Variants in PTGER3 observed in about 807,000 individuals in gnomAD.
PTGER3 encodes prostaglandin E2 receptor EP3 subtype.
A neutral mutation model predicts 34.7 loss-of-function variants in PTGER3; 22 were observed. The ratio of observed to expected loss-of-function variants is 0.63; its 90% confidence interval spans 0.45 to 0.91. PTGER3 has a LOEUF of 0.91. PTGER3 is among the 40% of genes least tolerant of loss of function. PTGER3 has a pLI of 0.00. For synonymous variants in PTGER3, 241 were observed against 230.1 expected (o/e 1.05, Z -0.43); for missense variants, 468 against 519.4 (o/e 0.90, Z 0.96).
chr1:70,861,835 C>T (rs1645934638), intron 4 of PTGER3, among the ~76,000 whole-genome samples: 1 of 152,054 alleles, frequency 6.6e-6, no homozygotes, highest in Non-Finnish European at 1.5e-5. Context: ...CATTTCTTAA[C>T]ATTTTTATGC....
At chr1:70,928,868 T>TACACACAC (rs34765576) in intron 4 of PTGER3, among the ~76,000 whole-genome samples, 316 of 147,268 alleles carry the variant, frequency 2.1e-3, no homozygotes, top group African/African-American at 6.9e-3. Context: ...AATTTACAGA[T>TACACACAC]ACACACACAC....
chr1:70,893,026 TA>T (rs80160941), intron 4 of PTGER3, among the ~76,000 whole-genome samples: 31,866 of 147,972 alleles, frequency 0.22, 3,760 homozygotes, highest in Admixed American at 0.36. Flanking sequence ...AATGTCCAAC[TA>T]AAAAAAAAAC....
chr1:71,036,083 G>GA (rs1659793750), intron 1 of PTGER3, among the ~76,000 whole-genome samples: 1 of 152,222 alleles, frequency 6.6e-6, no homozygotes, highest in African/African-American at 2.4e-5. Flanking sequence ...CATTGGAGCA[G>GA]AAGTTTCAGA....
At chr1:70,856,440 CA>C (rs34715178) in intron 4 of PTGER3, among the ~76,000 whole-genome samples, 8,917 of 82,874 alleles carry the variant, frequency 0.11, 249 homozygotes, top group African/African-American at 0.17. Flanking sequence ...AACTTCATCT[CA>C]AAAAAAAAAA....
chr1:70,903,141 G>A (rs1303932594), intron 4 of PTGER3, among the ~76,000 whole-genome samples: 1 of 152,152 alleles, frequency 6.6e-6, no homozygotes, highest in Non-Finnish European at 1.5e-5. Flanking sequence ...GAAGTAATGT[G>A]ACTACAAGCC....
At chr1:70,997,838 T>G (rs1028596159) in intron 2 of PTGER3, among the ~76,000 whole-genome samples, 8 of 152,228 alleles carry the variant, frequency 5.3e-5, no homozygotes, top group African/African-American at 1.9e-4. Context: ...ATTGTAGCCA[T>G]AGTATGACTG....
At chr1:71,041,904 G>A (rs1447300978) in intron 1 of PTGER3, among the ~76,000 whole-genome samples, 1 of 152,174 alleles carries the variant, frequency 6.6e-6, no homozygotes, top group Non-Finnish European at 1.5e-5. Flanking sequence ...TTAGCACCCA[G>A]TATCCCTCAC....
intron 1 of PTGER3, among the ~76,000 whole-genome samples, chr1:71,023,349 T>G (rs951472400): frequency 1.3e-5 from 2 of 151,924 alleles, no homozygotes; most frequent in African/African-American, 4.9e-5. Flanking sequence ...CCTGCTACCT[T>G]TCTGGGTATT....
At chr1:71,002,769 G>T (rs1983587) in intron 2 of PTGER3, among the ~76,000 whole-genome samples, 139,143 of 152,268 alleles carry the variant, frequency 0.91, 63,665 homozygotes, top group East Asian at 0.96. Context: ...AAAATAAAAG[G>T]GTTGGGCAAA....
intron 2 of PTGER3, among the ~76,000 whole-genome samples, chr1:70,991,267 C>G (rs1234952627): frequency 1.3e-5 from 2 of 152,140 alleles, no homozygotes. Flanking sequence ...GTGCACATTA[C>G]ACTTTGGTTT....
chr1:70,904,054 TC>T (rs1477889733), intron 4 of PTGER3, among the ~76,000 whole-genome samples: 2 of 151,914 alleles, frequency 1.3e-5, no homozygotes, highest in African/African-American at 4.8e-5. Context: ...CCTTCATTGT[TC>T]CTGTGATAGT....
At chr1:70,989,567 A>G (rs1655241728) in intron 2 of PTGER3, among the ~76,000 whole-genome samples, 1 of 152,196 alleles carries the variant, frequency 6.6e-6, no homozygotes, top group Non-Finnish European at 1.5e-5. Flanking sequence ...ATTATTGAGA[A>G]TGTGTATTTG....
chr1:70,929,208 C>T (rs183997151), intron 4 of PTGER3, among the ~76,000 whole-genome samples: 9 of 152,142 alleles, frequency 5.9e-5, no homozygotes, highest in South Asian at 2.1e-4. Context: ...GTTTTGATTC[C>T]GCACTTTTCC....
chr1:70,971,153 A>G lies in PTGER3; in HGVS notation c.*577T>C. 5 of 985,448 alleles carry G rather than the reference A, an allele frequency of 5.1e-6. No homozygotes were observed. The highest frequency in any genetic ancestry group is 6.0e-6 in the Non-Finnish European group (5 of 829,926). 61.0% of individuals were successfully genotyped at this position (985,448 alleles called of 1,614,324 possible). A position where few individuals can be genotyped will look rare whatever the true frequency, so the allele number is the denominator to read the frequency against. On this transcript the variant is annotated 3_prime_UTR_variant, in exon 4 of 4. Coordinates refer to ENST00000306666, the MANE Select transcript of PTGER3 (RefSeq NM_198719.2). ...TTGAGACTTAGGAACTTTTAGTTCC[A>G]TGCTAAGCCCACAGGGACACAACAT...
chr1:70,954,685 C>T (rs946237016), intron 2 of PTGER3, among the ~76,000 whole-genome samples: 2 of 152,050 alleles, frequency 1.3e-5, no homozygotes, highest in African/African-American at 4.8e-5. Context: ...TTCACTATTA[C>T]AGTTTTCTCT....
chr1:71,012,517 A>T (rs1657538912), intron 1 of PTGER3, 33 bp from the exon 2 acceptor site: 3 of 1,582,796 alleles, frequency 1.9e-6, no homozygotes, highest in Non-Finnish European at 1.7e-6. Flanking sequence ...TGTTTCAAAG[A>T]TTAGTAAGGT....
intron 4 of PTGER3, among the ~76,000 whole-genome samples, chr1:70,938,319 A>G (rs1649429635): frequency 1.3e-5 from 2 of 152,220 alleles, no homozygotes; most frequent in Non-Finnish European, 2.9e-5. Flanking sequence ...GTTCAGTACA[A>G]TGAACTCAAA....
intron 4 of PTGER3, among the ~76,000 whole-genome samples, chr1:70,941,619 T>A (rs1019021066): frequency 6.6e-6 from 1 of 152,190 alleles, no homozygotes; most frequent in Middle Eastern, 3.2e-3. Flanking sequence ...CCTCATTTAA[T>A]GTTACCAAAA....
chr1:70,920,941 A>G (rs1647461712), intron 4 of PTGER3, among the ~76,000 whole-genome samples: 1 of 152,200 alleles, frequency 6.6e-6, no homozygotes, highest in Admixed American at 6.5e-5. Context: ...ACTCTTACAA[A>G]TAAACTAATT....
Sources: gnomAD v4.1 joint callset for allele counts (sites outside exome capture counted in the v4.1 genomes callset) on GRCh38, gnomAD v4.1.1 for gene constraint, MANE v1.5 for transcripts, NCBI Gene and HGNC (gene_info 2026-07-23, HGNC 2026-07-21) for gene names.